ARID3A: variants seen among roughly 807,000 people sequenced by gnomAD.
ARID3A encodes the protein AT-rich interactive domain-containing protein 3A.
A neutral mutation model predicts 52.7 loss-of-function variants in ARID3A; 11 were observed. The ratio of observed to expected loss-of-function variants is 0.21; its 90% CI spans 0.13 to 0.35. The LOEUF (loss-of-function observed/expected upper bound fraction) is 0.35, where lower values mean the gene tolerates loss of function less well. Among genes scored for constraint, ARID3A ranks in the 10% least tolerant of loss-of-function variants. The probability of loss-of-function intolerance (pLI) is 1.00; values close to 1 mark genes in which losing one functional copy is unlikely to be tolerated. For synonymous variants in ARID3A, 404 were observed against 359.4 expected, an observed-to-expected ratio of 1.12 and a Z score of -1.40; for missense variants, 721 against 838.5, an observed-to-expected ratio of 0.86 and a Z score of 1.73.
intron 3 of ARID3A, among the ~76,000 whole-genome samples, chr19:951,929 A>T (rs993780387): frequency 6.6e-6 from 1 of 151,898 alleles, no homozygotes; most frequent in Admixed American, 6.6e-5. Context: ...TGAGGTCAGG[A>T]GTTCAAGACC....
rs1483911661 is a variant in ARID3A, at chr19:932,619, G to T, written c.570G>T (p.Arg190Ser). The change falls in exon 3 of 9, where the codon AGG becomes AGT. Residue 190 changes from arginine to serine, a missense_variant. Physicochemically the swap from Arg to Ser is moderately radical, Grantham distance 110 (BLOSUM62 -1). This residue lies in a region of ARID3A where 349 missense variants were observed against 297.3 expected (regional missense o/e 1.17). Coordinates refer to ENST00000263620, the MANE Select transcript of ARID3A (RefSeq NM_005224.3). ...PQAFRGDGVP[R>S]VLGGQERPGP... ...CCTTCCGCGGCGATGGCGTTCCCAG[G>T]GTGCTGGGGGGCCAGGAGCGGCCGG... The T allele has an allele frequency of 4.6e-6, 7 of 1,522,444 alleles. No homozygotes were observed. In the African/African-American group the frequency reaches 8.5e-5, roughly 18 times the overall value. The allele number at this position is 1,522,444 out of a possible 1,614,324, so 94.3% of individuals were successfully genotyped here. A position where few individuals can be genotyped will look rare whatever the true frequency, so the allele number is the denominator to read the frequency against.
chr19:929,887 A>G lies in ARID3A; in HGVS notation c.359A>G (p.Asp120Gly). Residue 120 changes from aspartate (D) to glycine (G), a missense_variant, in exon 2 of 9, where the codon GAC (aspartate) becomes GGC (glycine). Transcript: ENST00000263620. The surrounding 1 kb of genome is among the most constrained non-coding windows in gnomAD (Gnocchi z 6.2). Reference protein sequence around the residue: ...GEEHFEDMASDEDMKPKWEEE... With the variant: ...GEEHFEDMASGEDMKPKWEEE... ...GAGCACTTTGAGGACATGGCCTCCG[A>G]CGAGGACATGTGAGTTGGGGTCTGG... 1.3e-6 allele frequency: 2 copies of G among 1,541,328 alleles called. No individual in the cohort carries two copies. Among genetic ancestry groups the G allele is most frequent in the Non-Finnish European group, 1.7e-6 (2 of 1,146,822 alleles).
intron 3 of ARID3A, among the ~76,000 whole-genome samples, chr19:950,394 A>G (rs981636244): frequency 6.8e-6 from 1 of 147,250 alleles, no homozygotes; most frequent in Non-Finnish European, 1.5e-5. Context: ...TGGATGGATG[A>G]GGCCGTCCCC....
chr19:961,022 C>CG (rs899408686), intron 4 of ARID3A, among the ~76,000 whole-genome samples: 8 of 152,266 alleles, frequency 5.3e-5, no homozygotes, highest in African/African-American at 1.7e-4. Context: ...TCCAAGTCCT[C>CG]GTCGGCCGGA....
chr19:935,838 T>C (rs1219158224), intron 3 of ARID3A, among the ~76,000 whole-genome samples: 1 of 152,206 alleles, frequency 6.6e-6, no homozygotes. Context: ...TCGCCCAGGC[T>C]GGAGTACAGT....
chr19:926,212 C>G (rs2037193070), intron 1 of ARID3A, among the ~76,000 whole-genome samples, 153 bp downstream of exon 1: 1 of 151,158 alleles, frequency 6.6e-6, no homozygotes. Flanking sequence ...GGCTGGGGAG[C>G]GCGCTGGCCG....
rs1356177434 is a variant in ARID3A, at chr19:938,940, T to C, written c.693+6198T>C. ...CATTATTTTATCTCTCTTTTTTTTTTTTTTTTTTGAGACGGAGTCTTGTTT... is the reference window on the plus strand; with the variant it reads ...CATTATTTTATCTCTCTTTTTTTTTCTTTTTTTTGAGACGGAGTCTTGTTT... On this transcript the variant is annotated intron_variant, in intron 3 of 8. Coordinates refer to ENST00000263620, the MANE Select transcript of ARID3A (RefSeq NM_005224.3). The surrounding 1 kb of genome is among the most constrained non-coding windows in gnomAD (Gnocchi z 4.0). Among the ~76,000 whole-genome samples the C allele has an allele frequency of 2.0e-5, 3 of 150,002 alleles. No homozygotes were observed. The highest frequency in any genetic ancestry group is 4.4e-5 in the Non-Finnish European group (3 of 67,454).
At chr19:950,717 G>A (rs1164077719) in intron 3 of ARID3A, among the ~76,000 whole-genome samples, 2 of 152,212 alleles carry the variant, frequency 1.3e-5, no homozygotes, top group Non-Finnish European at 2.9e-5. Context: ...GCTGGAAGGA[G>A]AGGGCATCTC....
Position 929,615 on chromosome 19 carries a change from C to T in ARID3A, c.87C>T (p.Pro29=), listed in dbSNP as rs1180846325. 15 of 1,524,928 alleles carry T rather than the reference C, an allele frequency of 9.8e-6. No individual in the cohort carries two copies. The highest frequency in any genetic ancestry group is 5.9e-5 in the Admixed American group (3 of 50,456). The allele number at this position is 1,524,928 out of a possible 1,614,324, so 94.5% of individuals were successfully genotyped here. The part of the protein sequence containing the change: ...QELEARQQLP[P]DPPAAPPGRA... Reference sequence around the variant, plus strand: ...TGGAGGCCCGGCAGCAGCTGCCCCCCGATCCCCCTGCTGCACCCCCCGGCC... The same window carrying T: ...TGGAGGCCCGGCAGCAGCTGCCCCCTGATCCCCCTGCTGCACCCCCCGGCC... Residue 29 remains proline, a synonymous_variant, in exon 2 of 9, where the codon CCC becomes CCT. Transcript: ENST00000263620. The surrounding 1 kb of genome is among the most constrained non-coding windows in gnomAD (Gnocchi z 6.2).
chr19:931,456 A>G (rs532881553), intron 2 of ARID3A, among the ~76,000 whole-genome samples: 15 of 148,558 alleles, frequency 1.0e-4, no homozygotes, highest in African/African-American at 3.8e-4. Context: ...TGTCTCAAAA[A>G]AAAAAAAAAA....
chr19:951,219 C>A (rs960892615), intron 3 of ARID3A, among the ~76,000 whole-genome samples: 4 of 151,448 alleles, frequency 2.6e-5, no homozygotes, highest in Non-Finnish European at 4.4e-5. Flanking sequence ...GGCCTCCCAA[C>A]GTGCTGGGAT....
Position 957,729 on chromosome 19 carries a change from A to G in ARID3A, c.694-2363A>G, listed in dbSNP as rs550108695. ...TGTGATGGCGAGTGCCTGTGGTCCC[A>G]GCCACTTGGGCAGCTGAGGCAGGAG... On this transcript the variant is annotated intron_variant, in intron 3 of 8. Transcript: ENST00000263620. Among the ~76,000 whole-genome samples, 4 of 152,342 alleles carry G rather than the reference A, an allele frequency of 2.6e-5. No homozygotes were observed. The East Asian group carries it at 7.7e-4, about 29-fold the overall frequency.
At chr19:930,659 G>C (rs374135655) in intron 2 of ARID3A, among the ~76,000 whole-genome samples, 1 of 149,328 alleles carries the variant, frequency 6.7e-6, no homozygotes, top group Non-Finnish European at 1.5e-5. Context: ...ACAGGCGCCC[G>C]CCACCACGCC....
At chr19:969,833 C>T (rs889372391) in intron 8 of ARID3A, among the ~76,000 whole-genome samples, 9 of 149,584 alleles carry the variant, frequency 6.0e-5, no homozygotes, top group African/African-American at 1.8e-4. Flanking sequence ...GGACTACAGG[C>T]GTGTGTCACC....
chr19:968,727 T>A, intron 8 of ARID3A: 1 of 489,216 alleles, frequency 2.0e-6, no homozygotes, highest in Non-Finnish European at 3.7e-6. Context: ...AGATACATAT[T>A]CAGTGTGACG....
chr19:928,943 G>T, intron 1 of ARID3A: 1 of 152,256 alleles, frequency 6.6e-6, no homozygotes, highest in East Asian at 1.9e-4. Flanking sequence ...CCTGACTGGG[G>T]CCCGGAGCCC....
intron 3 of ARID3A, among the ~76,000 whole-genome samples, chr19:936,410 G>A (rs1568357904): frequency 6.6e-6 from 1 of 152,194 alleles, no homozygotes; most frequent in Non-Finnish European, 1.5e-5. Context: ...TGAGTGTGGT[G>A]GCGCACACCT....
chr19:960,299 G>T lies in ARID3A; in HGVS notation c.766+135G>T. 1.3e-6 allele frequency: 1 copy of T among 742,712 alleles called. No homozygotes were observed. The allele number at this position is 742,712 out of a possible 1,614,324, so 46.0% of individuals were successfully genotyped here. On this transcript the variant is annotated intron_variant, in intron 4 of 8. Coordinates refer to ENST00000263620, the MANE Select transcript of ARID3A (RefSeq NM_005224.3). This position sits in a 1 kb window ranked among gnomAD's most constrained non-coding sequence, Gnocchi z 4.3. Reference sequence around the variant, plus strand: ...GAGGCATCCAAGGCTCCTAAATCGGGAGGGACTTCAGGGGTGTCTTGGGGG... The same window carrying T: ...GAGGCATCCAAGGCTCCTAAATCGGTAGGGACTTCAGGGGTGTCTTGGGGG...
At chr19:925,838 G>A (rs1431152641), upstream of ARID3A, 1 of 152,130 alleles carries the variant, frequency 6.6e-6, no homozygotes, top group Non-Finnish European at 1.5e-5. Context: ...CGCGGGAGGG[G>A]GGCGAGGGGG....
Sources: allele counts gnomAD v4.1 joint callset (sites outside exome capture counted in the v4.1 genomes callset), GRCh38; gene constraint gnomAD v4.1.1; regional missense constraint gnomAD v4.1.1; non-coding constraint Gnocchi (gnomAD v3.1); transcripts MANE v1.5; gene names NCBI Gene and HGNC (gene_info 2026-07-23, HGNC 2026-07-21).